The following DYNC1H1 variants were observed in gnomAD, a reference collection of about 807,000 sequenced individuals.
DYNC1H1 encodes the protein cytoplasmic dynein 1 heavy chain 1.
Under a neutral mutation model 527.1 loss-of-function variants are expected in DYNC1H1, and 51 were observed. The observed-to-expected ratio is 0.10, with a 90% CI of 0.08 to 0.12. DYNC1H1 has a LOEUF of 0.12. Among genes scored for constraint, DYNC1H1 ranks in the 10% least tolerant of loss-of-function variants. The pLI is 1.00. For missense variants in DYNC1H1, 2,771 were observed against 5,971.8 expected, an observed-to-expected ratio of 0.46 and a Z score of 17.66; for synonymous variants, 2,189 against 2,278.8, an observed-to-expected ratio of 0.96 and a Z score of 1.12.
In DYNC1H1 at chr14:102,002,357, C is replaced by T. The variant is rs776107081; in HGVS notation, c.4543-180C>T. 1.3e-5 allele frequency among the ~76,000 whole-genome samples: 2 copies of T among 151,776 alleles called. No homozygotes were observed. The highest frequency in any genetic ancestry group is 2.9e-5 in the Non-Finnish European group (2 of 67,964). Reference sequence around the variant, plus strand: ...AACTTCTGACTTCAAGTGATCCACCCGCCTCGGCCTCCCAAAATGCTGGGA... The same window carrying T: ...AACTTCTGACTTCAAGTGATCCACCTGCCTCGGCCTCCCAAAATGCTGGGA... On this transcript the variant is annotated intron_variant, in intron 21 of 77. Transcript: ENST00000360184. This position sits in a 1 kb window ranked among gnomAD's most constrained non-coding sequence, Gnocchi z 4.4.
In DYNC1H1 at chr14:102,015,953, T is replaced by C. The variant is rs777436032; in HGVS notation, c.7340T>C (p.Met2447Thr). The C allele has an allele frequency of 6.2e-7, 1 of 1,614,192 alleles. No homozygotes were observed. Among genetic ancestry groups the C allele is most frequent in the South Asian group, 1.1e-5 (1 of 91,086 alleles). Reference protein sequence around the residue: ...LEHAFQLEHIMDLTRLRCLGS... With the variant: ...LEHAFQLEHITDLTRLRCLGS... ...CACGCCTTCCAGCTGGAGCACATCA[T>C]GGACCTAACACGCCTGCGCTGCCTG... Residue 2447 changes from methionine to threonine, a missense_variant, in exon 36 of 78, where the codon ATG (methionine) becomes ACG (threonine). Coordinates refer to ENST00000360184, the MANE Select transcript of DYNC1H1 (RefSeq NM_001376.5). The surrounding 1 kb of genome is among the most constrained non-coding windows in gnomAD (Gnocchi z 6.9).
At position 102,005,870 on chromosome 14, in the gene DYNC1H1, G is replaced by A. The variant is rs1166390165; in HGVS notation, c.5434-18G>A. On this transcript the variant is annotated intron_variant, in intron 26 of 77. Transcript: ENST00000360184. This position sits in a 1 kb window ranked among gnomAD's most constrained non-coding sequence, Gnocchi z 4.0. Reference sequence around the variant, plus strand: ...GCTTTAGTGTAGATGAACTTTTAAAGTGACTCTCTTTCTTCAGATTACAGA... The same window carrying A: ...GCTTTAGTGTAGATGAACTTTTAAAATGACTCTCTTTCTTCAGATTACAGA... 1 of 1,613,980 alleles carries A rather than the reference G, an allele frequency of 6.2e-7. No homozygotes were observed. The highest frequency in any genetic ancestry group is 8.5e-7 in the Non-Finnish European group (1 of 1,179,986).
At position 101,973,916 on chromosome 14, in the gene DYNC1H1, CAT is replaced by C. The variant is rs2047769138; in HGVS notation, c.257-1794_257-1793del. 2.0e-5 allele frequency among the ~76,000 whole-genome samples: 3 copies of C among 152,138 alleles called. No individual in the cohort carries two copies. The South Asian group carries it at 6.2e-4, about 32-fold the overall frequency. On this transcript the variant is annotated intron_variant, in intron 1 of 77. Coordinates refer to ENST00000360184, the MANE Select transcript of DYNC1H1 (RefSeq NM_001376.5). Reference sequence around the variant, plus strand: ...GCTCAGACCCTGTGTATCCAGGTTTCATAGTTTTTAGTGCTTAATGAAACCTT... The same window carrying C: ...GCTCAGACCCTGTGTATCCAGGTTTCAGTTTTTAGTGCTTAATGAAACCTT...
chr14:102,022,718 G>A (rs1190205365), intron 42 of DYNC1H1, 33 bp from the exon 43 acceptor site: 2 of 1,613,800 alleles, frequency 1.2e-6, no homozygotes, highest in South Asian at 1.1e-5. Context: ...GTGCCCTCTA[G>A]TTACCTAAAT....
At chr14:101,984,422 T>C (rs1168989947) in intron 7 of DYNC1H1, among the ~76,000 whole-genome samples, 2 of 133,738 alleles carry the variant, frequency 1.5e-5, no homozygotes, top group Non-Finnish European at 3.1e-5. Context: ...TGTGTGTGTG[T>C]GTGTGTGTGT....
In DYNC1H1 at chr14:102,041,522, G is replaced by A. The variant is rs1285242262; in HGVS notation, c.11942-52G>A. ...AAGAACAGTCCAGGCAGGGGAGGGC[G>A]TCTCTGAGTCCATGCTTCCACCCAG... On this transcript the variant is annotated intron_variant, in intron 64 of 77. Coordinates refer to ENST00000360184, the MANE Select transcript of DYNC1H1 (RefSeq NM_001376.5). The surrounding 1 kb of genome is among the most constrained non-coding windows in gnomAD (Gnocchi z 4.5). The A allele has an allele frequency of 5.9e-5, 95 of 1,611,904 alleles. No homozygotes were observed. The highest frequency in any genetic ancestry group is 1.0e-4 in the Admixed American group (6 of 59,998).
Position 101,979,575 on chromosome 14 carries a change from A to C in DYNC1H1, c.518+83A>C. The C allele has an allele frequency of 6.2e-7, 1 of 1,608,326 alleles. No individual in the cohort carries two copies. Among genetic ancestry groups the C allele is most frequent in the Non-Finnish European group, 8.5e-7 (1 of 1,175,854 alleles). ...CTCGGTGTAAAACTTGGGAATTGGG[A>C]GGGTAACGCTAGTGAGCCGAGGGGA... On this transcript the variant is annotated intron_variant, in intron 3 of 77. Coordinates refer to ENST00000360184, the MANE Select transcript of DYNC1H1 (RefSeq NM_001376.5). The surrounding 1 kb of genome is among the most constrained non-coding windows in gnomAD (Gnocchi z 4.6).
In DYNC1H1 at chr14:102,003,991, C is replaced by A. The variant is rs564871044; in HGVS notation, c.4884-527C>A. On this transcript the variant is annotated intron_variant, in intron 23 of 77. Coordinates refer to ENST00000360184, the MANE Select transcript of DYNC1H1 (RefSeq NM_001376.5). Reference sequence around the variant, plus strand: ...GCGCGGTGGCTCACGCCTGTAATCCCAGCACTTTGGGTGGCCGAGGCGGGC... The same window carrying A: ...GCGCGGTGGCTCACGCCTGTAATCCAAGCACTTTGGGTGGCCGAGGCGGGC... Among the ~76,000 whole-genome samples the A allele has an allele frequency of 2.6e-5, 4 of 151,538 alleles. No individual in the cohort carries two copies. In the East Asian group the frequency reaches 5.9e-4, roughly 22 times the overall value.
Position 102,012,410 on chromosome 14 carries a change from G to A in DYNC1H1, c.6954G>A (p.Val2318=), listed in dbSNP as rs775385183. The A allele has an allele frequency of 1.2e-6, 2 of 1,614,236 alleles. No individual in the cohort carries two copies. Among genetic ancestry groups the A allele is most frequent in the South Asian group, 2.2e-5 (2 of 91,092 alleles). The part of the protein sequence containing the change: ...DPEWVENLNS[V]LDDNKLLTLP... ...AGTGGGTTGAGAACTTGAACTCAGT[G>A]CTGGATGACAATAAGCTCCTAACTT... Residue 2318 remains valine (V), a synonymous_variant, in exon 34 of 78, where the codon GTG becomes GTA. Coordinates refer to ENST00000360184, the MANE Select transcript of DYNC1H1 (RefSeq NM_001376.5). This position sits in a 1 kb window ranked among gnomAD's most constrained non-coding sequence, Gnocchi z 4.9.
In DYNC1H1 at chr14:101,984,821, T is replaced by G. The variant is rs867051531; in HGVS notation, c.1462-866T>G. Among the ~76,000 whole-genome samples the G allele has an allele frequency of 2.7e-5, 4 of 148,952 alleles. No homozygotes were observed. In the Admixed American group the frequency reaches 2.7e-4, roughly 10 times the overall value. On this transcript the variant is annotated intron_variant, in intron 7 of 77. Transcript: ENST00000360184. Reference sequence around the variant, plus strand: ...GGTGGCAGGTGCCTGTAGTCCCAGCTACTCGGGAGGCTGAGGCAGGAGAAT... The same window carrying G: ...GGTGGCAGGTGCCTGTAGTCCCAGCGACTCGGGAGGCTGAGGCAGGAGAAT...
At position 102,011,310 on chromosome 14, in the gene DYNC1H1, G is replaced by A. The variant is rs2048255933; in HGVS notation, c.6618+358G>A. The stretch of plus-strand genomic sequence containing the variant: ...CAATACGTAGTTTACATTCTGTATT[G>A]GCTTCTTTCCTTCCTCTATGTGATT... On this transcript the variant is annotated intron_variant, in intron 32 of 77. Transcript: ENST00000360184. The surrounding 1 kb of genome is among the most constrained non-coding windows in gnomAD (Gnocchi z 5.3). The A allele has an allele frequency of 2.7e-6, 1 of 373,888 alleles. No homozygotes were observed. Among genetic ancestry groups the A allele is most frequent in the Middle Eastern group, 9.3e-4 (1 of 1,080 alleles). The allele number at this position is 373,888 out of a possible 1,614,324, so 23.2% of individuals were successfully genotyped here.
In DYNC1H1 at chr14:102,051,051, T is replaced by C; in HGVS notation, c.*488T>C. ...ACCTTTAATCGCAGCACTTTGGGAG[T>C]CTGGGAGTTAAAGACCAGCCTCGGC... On this transcript the variant is annotated 3_prime_UTR_variant, in exon 78 of 78. Coordinates refer to ENST00000360184, the MANE Select transcript of DYNC1H1 (RefSeq NM_001376.5). 1 of 220,554 alleles carries C rather than the reference T, an allele frequency of 4.5e-6. No individual in the cohort carries two copies. The highest frequency in any genetic ancestry group is 9.1e-6 in the Non-Finnish European group (1 of 109,986). The allele number at this position is 220,554 out of a possible 1,614,324, so 13.7% of individuals were successfully genotyped here.
In DYNC1H1 at chr14:102,008,283, G is replaced by C. The variant is rs1423762384; in HGVS notation, c.5923G>C (p.Val1975Leu). 6.2e-7 allele frequency: 1 copy of C among 1,614,236 alleles called. No homozygotes were observed. The highest frequency in any genetic ancestry group is 8.5e-7 in the Non-Finnish European group (1 of 1,180,050). The change falls in exon 29 of 78, where the codon GTG becomes CTG. Residue 1975 changes from valine to leucine, a missense_variant. Val to Leu is a conservative substitution (Grantham distance 32, BLOSUM62 1). Around this residue, in one of 32 missense-constraint regions of DYNC1H1, gnomAD observed 22 missense variants for 109.5 expected, o/e 0.20. Transcript: ENST00000360184. ...GATGCTCTCGGCTGTGTCCCAGCAG[G>C]TGCAGTGCATACAGGAAGCACTGCG... ...ERMLSAVSQQ[V>L]QCIQEALREH... is the part of the protein sequence containing the mutation.
chr14:102,026,395 G>A (rs1399632146), intron 43 of DYNC1H1, among the ~76,000 whole-genome samples, 179 bp from the exon 44 acceptor site: 3 of 152,024 alleles, frequency 2.0e-5, no homozygotes, highest in Non-Finnish European at 4.4e-5. Context: ...CTCTATAAAA[G>A]TTTTTCATGT....
In DYNC1H1 at chr14:102,040,425, G is replaced by T; in HGVS notation, c.11865+15G>T. 1 of 1,614,180 alleles carries T rather than the reference G, an allele frequency of 6.2e-7. No individual in the cohort carries two copies. Among genetic ancestry groups the T allele is most frequent in the South Asian group, 1.1e-5 (1 of 91,072 alleles). On this transcript the variant is annotated intron_variant, in intron 63 of 77. Coordinates refer to ENST00000360184, the MANE Select transcript of DYNC1H1 (RefSeq NM_001376.5). Reference sequence around the variant, plus strand: ...AGGCAGACGAGGTGATTGTTCTCTTGAATGTTCCCAGTAGGTAAATGTTGG... The same window carrying T: ...AGGCAGACGAGGTGATTGTTCTCTTTAATGTTCCCAGTAGGTAAATGTTGG...
intron 11 of DYNC1H1, among the ~76,000 whole-genome samples, chr14:101,993,539 A>T (rs2048022255): frequency 6.6e-6 from 1 of 152,060 alleles, no homozygotes; most frequent in Admixed American, 6.6e-5. Flanking sequence ...ATCACACTGG[A>T]GTCTTGCTGG....
intron 16 of DYNC1H1, among the ~76,000 whole-genome samples, chr14:101,998,605 C>T (rs1326330681): frequency 6.6e-6 from 1 of 152,160 alleles, no homozygotes; most frequent in Non-Finnish European, 1.5e-5. Context: ...ATGACAATGA[C>T]AGATTTAGCC....
At chr14:101,991,122 G>A (rs888614564) in intron 10 of DYNC1H1, among the ~76,000 whole-genome samples, 1 of 152,052 alleles carries the variant, frequency 6.6e-6, no homozygotes, top group Non-Finnish European at 1.5e-5. Flanking sequence ...TGTCAAGTGA[G>A]CCATGTCGCC....
intron 51 of DYNC1H1, 44 bp from the exon 52 acceptor site, chr14:102,032,228 C>T: frequency 6.2e-7 from 1 of 1,611,166 alleles, no homozygotes; most frequent in Non-Finnish European, 8.5e-7. Context: ...TTTGCTCTAT[C>T]TTCTCCCACC....
Sources: gnomAD v4.1 joint callset for allele counts (sites outside exome capture counted in the v4.1 genomes callset) on GRCh38, gnomAD v4.1.1 for gene constraint, gnomAD v4.1.1 regional missense constraint, Gnocchi (gnomAD v3.1) non-coding constraint, MANE v1.5 for transcripts, NCBI Gene and HGNC (gene_info 2026-07-23, HGNC 2026-07-21) for gene names.